Variants in LRRTM4 observed in about 807,000 individuals in gnomAD.
LRRTM4 encodes leucine-rich repeat transmembrane neuronal protein 4.
LRRTM4 carries 25 observed loss-of-function variants against 47.6 expected under a neutral mutation model. The observed-to-expected ratio is 0.53, with a 90% CI of 0.38 to 0.73. LRRTM4 has a LOEUF of 0.73. LRRTM4 is among the 30% of genes least tolerant of loss of function. LRRTM4 has a pLI of 0.00. For missense variants in LRRTM4, 638 were observed against 713.4 expected (o/e 0.89, Z 1.20); for synonymous variants, 311 against 269.5 (o/e 1.15, Z -1.51).
intron 3 of LRRTM4, among the ~76,000 whole-genome samples, chr2:76,953,990 A>G (rs1643921227): frequency 1.3e-5 from 2 of 151,880 alleles, no homozygotes; most frequent in African/African-American, 4.8e-5. Flanking sequence ...AGCCTCTTCA[A>G]CAGAGAAACT....
At chr2:76,992,434 T>C (rs192295487) in intron 3 of LRRTM4, among the ~76,000 whole-genome samples, 4 of 151,854 alleles carry the variant, frequency 2.6e-5, no homozygotes, top group Non-Finnish European at 5.9e-5. Flanking sequence ...TTTATTAAAG[T>C]TTGGGGATAC....
chr2:76,877,480 G>A (rs1250884399), intron 3 of LRRTM4, among the ~76,000 whole-genome samples: 1 of 151,740 alleles, frequency 6.6e-6, no homozygotes, highest in African/African-American at 2.4e-5. Flanking sequence ...TATACCTAGG[G>A]TGAAGTATAA....
intron 3 of LRRTM4, among the ~76,000 whole-genome samples, chr2:77,137,334 A>T (rs1362460384): frequency 6.6e-6 from 1 of 151,910 alleles, no homozygotes; most frequent in African/African-American, 2.4e-5. Context: ...ATTCTTAAAG[A>T]AAACAATTTT....
intron 3 of LRRTM4, among the ~76,000 whole-genome samples, chr2:76,809,556 C>A (rs761163411): frequency 6.6e-6 from 1 of 152,154 alleles, no homozygotes. Context: ...CTCAGCCAGG[C>A]AATCACTAAT....
At chr2:76,816,289 C>A (rs1214377951) in intron 3 of LRRTM4, among the ~76,000 whole-genome samples, 1 of 152,102 alleles carries the variant, frequency 6.6e-6, no homozygotes, top group Non-Finnish European at 1.5e-5. Context: ...CTAAGGTCCC[C>A]TAGTGCCCAC....
intron 3 of LRRTM4, among the ~76,000 whole-genome samples, chr2:77,083,399 A>C (rs560047570): frequency 6.6e-6 from 1 of 152,184 alleles, no homozygotes; most frequent in African/African-American, 2.4e-5. Flanking sequence ...CCAAAACAAC[A>C]TAAGATGTGC....
intron 3 of LRRTM4, among the ~76,000 whole-genome samples, chr2:76,929,508 G>A (rs1674698047): frequency 6.6e-6 from 1 of 152,160 alleles, no homozygotes; most frequent in African/African-American, 2.4e-5. Flanking sequence ...TTTTAGACCT[G>A]CTCTGCTGTT....
intron 3 of LRRTM4, among the ~76,000 whole-genome samples, chr2:77,101,514 C>T (rs1020687877): frequency 6.4e-4 from 97 of 152,264 alleles, no homozygotes; most frequent in African/African-American, 2.3e-3. Context: ...ATGGCATTTC[C>T]TGCACCTCCA....
chr2:77,282,746 G>T (rs59280409), intron 3 of LRRTM4, among the ~76,000 whole-genome samples: 25,128 of 151,758 alleles, frequency 0.17, 4,738 homozygotes, highest in African/African-American at 0.47. Flanking sequence ...AATGGGGAAA[G>T]GACTCCCTAG....
In LRRTM4 at chr2:77,075,697, C is replaced by CT. The variant is rs1558565194; in HGVS notation, c.1552-326782_1552-326781insA. Among the ~76,000 whole-genome samples, 217 of 151,304 alleles carry CT rather than the reference C, an allele frequency of 1.4e-3. 1 individual carries two copies. Among genetic ancestry groups the CT allele is most frequent in the African/African-American group, 5.1e-3 (208 of 41,132 alleles). The stretch of plus-strand genomic sequence containing the variant: ...TTGGGAGGCCGAGGCGGGCAGATCA[C>CT]GAGGTCAGGAGATCGAGACCATCCT... On this transcript the variant is annotated intron_variant, in intron 3 of 3. Coordinates refer to ENST00000409884, the MANE Select transcript of LRRTM4 (RefSeq NM_001134745.3).
chr2:76,986,774 G>T (rs886342038), intron 3 of LRRTM4, among the ~76,000 whole-genome samples: 1 of 151,860 alleles, frequency 6.6e-6, no homozygotes, highest in Admixed American at 6.6e-5. Flanking sequence ...CATGCCTAAA[G>T]CAAGTTTACT....
intron 3 of LRRTM4, among the ~76,000 whole-genome samples, chr2:77,039,906 GTT>G (rs1678966881): frequency 6.6e-6 from 1 of 150,798 alleles, no homozygotes; most frequent in African/African-American, 2.4e-5. Flanking sequence ...TTTCTCATTA[GTT>G]AATATTAATA....
At chr2:77,251,817 A>C (rs1470839445) in intron 3 of LRRTM4, among the ~76,000 whole-genome samples, 2 of 152,064 alleles carry the variant, frequency 1.3e-5, no homozygotes, top group African/African-American at 4.8e-5. Flanking sequence ...TTTTGTTGGC[A>C]AATTCTTCAC....
At chr2:77,402,563 T>C (rs563305810) in intron 3 of LRRTM4, among the ~76,000 whole-genome samples, 1 of 152,156 alleles carries the variant, frequency 6.6e-6, no homozygotes, top group African/African-American at 2.4e-5. Flanking sequence ...TGTACATAGT[T>C]ATTTCTGTCC....
chr2:76,937,793 C>T (rs1391658887), intron 3 of LRRTM4, among the ~76,000 whole-genome samples: 4 of 152,028 alleles, frequency 2.6e-5, no homozygotes, highest in South Asian at 2.1e-4. Flanking sequence ...GTCTCGATCT[C>T]GTGATCTCGT....
chr2:77,206,179 ATTTTTT>A (rs35378906), intron 3 of LRRTM4, among the ~76,000 whole-genome samples: 1 of 126,930 alleles, frequency 7.9e-6, no homozygotes, highest in African/African-American at 3.0e-5. Flanking sequence ...TCAAAATTCT[ATTTTTT>A]TTTTTTTTTT....
intron 3 of LRRTM4, among the ~76,000 whole-genome samples, chr2:77,309,257 G>A (rs548356224): frequency 5.3e-5 from 8 of 152,238 alleles, no homozygotes; most frequent in African/African-American, 9.6e-5. Context: ...GGTCTTTCAG[G>A]AAGAGTAGAG....
chr2:77,257,459 AG>A (rs1675801859), intron 3 of LRRTM4, among the ~76,000 whole-genome samples: 1 of 152,150 alleles, frequency 6.6e-6, no homozygotes, highest in Non-Finnish European at 1.5e-5. Context: ...CACTCATAAA[AG>A]GGGAAATACA....
chr2:77,095,599 C>A (rs1374391), intron 3 of LRRTM4, among the ~76,000 whole-genome samples: 58,533 of 150,876 alleles, frequency 0.39, 12,909 homozygotes, highest in East Asian at 0.69. Context: ...TCCCCCTCCC[C>A]GGTTCAAATG....
Sources: allele counts gnomAD v4.1 joint callset (sites outside exome capture counted in the v4.1 genomes callset), GRCh38; gene constraint gnomAD v4.1.1; transcripts MANE v1.5; gene names NCBI Gene and HGNC (gene_info 2026-07-23, HGNC 2026-07-21).